The following SH3RF3 variants were observed in gnomAD, a reference collection of about 807,000 sequenced individuals.
The protein encoded by SH3RF3 is SH3 domain containing ring finger 3.
A neutral mutation model predicts 66.3 loss-of-function variants in SH3RF3; 29 were observed. The ratio of observed to expected loss-of-function variants is 0.44; its 90% CI spans 0.33 to 0.60. The LOEUF is 0.60. Among genes scored for constraint, SH3RF3 ranks in the 20% least tolerant of loss-of-function variants. SH3RF3 has a pLI of 0.04. For synonymous variants in SH3RF3, 583 were observed against 532.0 expected (o/e 1.10, Z -1.32); for missense variants, 1,194 against 1,190.9 (o/e 1.00, Z -0.04).
intron 1 of SH3RF3, among the ~76,000 whole-genome samples, chr2:109,335,797 C>G (rs952371435): frequency 2.0e-5 from 3 of 152,210 alleles, no homozygotes; most frequent in African/African-American, 7.2e-5. Flanking sequence ...CCTAAAACCA[C>G]TTCCTACCTT....
At chr2:109,339,897 G>C (rs1399746932) in intron 1 of SH3RF3, among the ~76,000 whole-genome samples, 1 of 152,176 alleles carries the variant, frequency 6.6e-6, no homozygotes, top group Non-Finnish European at 1.5e-5. Flanking sequence ...ATAATTATCA[G>C]GGCTCCACAG....
chr2:109,148,300 C>T (rs1479316390), intron 1 of SH3RF3, among the ~76,000 whole-genome samples: 1 of 152,228 alleles, frequency 6.6e-6, no homozygotes, highest in Non-Finnish European at 1.5e-5. Context: ...TGAGGGAATC[C>T]ACCGGGACGG....
At chr2:109,397,902 G>A (rs1676192823) in intron 3 of SH3RF3, among the ~76,000 whole-genome samples, 1 of 152,240 alleles carries the variant, frequency 6.6e-6, no homozygotes, top group Non-Finnish European at 1.5e-5. Flanking sequence ...CACAACGCCT[G>A]CTATCTTGTA....
intron 7 of SH3RF3, among the ~76,000 whole-genome samples, chr2:109,441,124 T>C (rs1026213245): frequency 2.6e-5 from 2 of 75,534 alleles, no homozygotes. Context: ...AGAATATTTA[T>C]AGGAATACAA....
At position 109,336,501 on chromosome 2, in the gene SH3RF3, G is replaced by A. The variant is rs575002974; in HGVS notation, c.574-11173G>A. 1.2e-4 allele frequency among the ~76,000 whole-genome samples: 19 copies of A among 152,270 alleles called. No individual in the cohort carries two copies. The South Asian group carries it at 3.7e-3, about 30-fold the overall frequency. On this transcript the variant is annotated intron_variant, in intron 1 of 9. Coordinates refer to ENST00000309415, the MANE Select transcript of SH3RF3 (RefSeq NM_001099289.3). ...GTGCCCACGGCTAGCACGTGCTGAG[G>A]ACTCGCTGTGAGGCCCCGTGTACCC...
chr2:109,350,502 C>T (rs1682815381), intron 2 of SH3RF3, among the ~76,000 whole-genome samples: 1 of 152,236 alleles, frequency 6.6e-6, no homozygotes, highest in Non-Finnish European at 1.5e-5. Flanking sequence ...CCTATGCCCA[C>T]TTTGACCCTC....
At chr2:109,499,602 C>T (rs1223695769) in intron 9 of SH3RF3, among the ~76,000 whole-genome samples, 2 of 152,160 alleles carry the variant, frequency 1.3e-5, no homozygotes, top group East Asian at 1.9e-4. Context: ...CCCTGCCTGT[C>T]AGACTCTAAG....
chr2:109,473,003 T>C (rs112712336), intron 8 of SH3RF3, among the ~76,000 whole-genome samples: 1 of 152,184 alleles, frequency 6.6e-6, no homozygotes, highest in African/African-American at 2.4e-5. Context: ...TTTCCTACCT[T>C]AGTGAAAAGA....
intron 1 of SH3RF3, among the ~76,000 whole-genome samples, chr2:109,165,128 A>G (rs7570265): frequency 0.82 from 124,990 of 152,092 alleles, 51,497 homozygotes; most frequent in East Asian, 0.89. Context: ...CCCCTCCTTT[A>G]GTAAGGACAA....
intron 3 of SH3RF3, among the ~76,000 whole-genome samples, chr2:109,386,153 C>G (rs774690891): frequency 1.2e-4 from 19 of 152,234 alleles, no homozygotes; most frequent in Non-Finnish European, 2.5e-4. Context: ...GGCTGCAAAG[C>G]TGACCGCCTT....
In SH3RF3 at chr2:109,414,743, G is replaced by A. The variant is rs559549296; in HGVS notation, c.1300-4796G>A. 1.2e-3 allele frequency among the ~76,000 whole-genome samples: 184 copies of A among 152,306 alleles called. 2 individuals carry two copies. The highest frequency in any genetic ancestry group is 4.3e-3 in the African/African-American group (179 of 41,568). Reference sequence around the variant, plus strand: ...CCAAACACTGCGTGTCCAGCACTGAGCCCATGGCCTCTGTGGTCTCTTGTT... The same window carrying A: ...CCAAACACTGCGTGTCCAGCACTGAACCCATGGCCTCTGTGGTCTCTTGTT... On this transcript the variant is annotated intron_variant, in intron 4 of 9. Transcript: ENST00000309415.
intron 1 of SH3RF3, among the ~76,000 whole-genome samples, chr2:109,132,570 C>T (rs142098331): frequency 1.1e-4 from 17 of 152,274 alleles, no homozygotes; most frequent in Middle Eastern, 3.4e-3. Flanking sequence ...TACCCAGTGA[C>T]GAGTACCCAT....
At chr2:109,285,507 C>G (rs1681011889) in intron 1 of SH3RF3, among the ~76,000 whole-genome samples, 1 of 152,210 alleles carries the variant, frequency 6.6e-6, no homozygotes, top group Admixed American at 6.5e-5. Flanking sequence ...ACAGTGCATG[C>G]TGGGGCACTT....
chr2:109,216,392 G>C (rs576802841), intron 1 of SH3RF3, among the ~76,000 whole-genome samples: 17 of 152,336 alleles, frequency 1.1e-4, no homozygotes, highest in African/African-American at 3.8e-4. Flanking sequence ...ACCACCCTCT[G>C]TGTTAAAACG....
At chr2:109,314,201 G>A (rs1286934521) in intron 1 of SH3RF3, among the ~76,000 whole-genome samples, 2 of 152,142 alleles carry the variant, frequency 1.3e-5, no homozygotes, top group African/African-American at 4.8e-5. Flanking sequence ...TCCAGAGATG[G>A]GGGCACCAGA....
At position 109,129,452 on chromosome 2, in the gene SH3RF3, C is replaced by T. The variant is rs1676622929; in HGVS notation, c.-89C>T. 8 of 1,494,578 alleles carry T rather than the reference C, an allele frequency of 5.4e-6. No individual in the cohort carries two copies. Among genetic ancestry groups the T allele is most frequent in the Admixed American group, 2.1e-5 (1 of 48,232 alleles). 92.6% of individuals were successfully genotyped at this position (1,494,578 alleles called of 1,614,324 possible). On this transcript the variant is annotated 5_prime_UTR_variant, in exon 1 of 10. Coordinates refer to ENST00000309415, the MANE Select transcript of SH3RF3 (RefSeq NM_001099289.3). ...AGAAAGTCACGGCGGAGCCCGGCTCCCCAGTCCTGATGCTGGCTGCCGGTG... is the reference window on the plus strand; with the variant it reads ...AGAAAGTCACGGCGGAGCCCGGCTCTCCAGTCCTGATGCTGGCTGCCGGTG...
chr2:109,406,059 C>T (rs1676445505), intron 4 of SH3RF3, among the ~76,000 whole-genome samples: 1 of 152,206 alleles, frequency 6.6e-6, no homozygotes, highest in Admixed American at 6.5e-5. Flanking sequence ...CTGAAGGTGT[C>T]CAGGGCGTGC....
intron 3 of SH3RF3, among the ~76,000 whole-genome samples, chr2:109,373,475 T>C (rs1683318309): frequency 1.3e-5 from 2 of 152,224 alleles, no homozygotes; most frequent in African/African-American, 4.8e-5. Context: ...TCTCCCACCA[T>C]GCATGTGAAC....
At chr2:109,263,166 G>A (rs77124395) in intron 1 of SH3RF3, among the ~76,000 whole-genome samples, 5,874 of 152,242 alleles carry the variant, frequency 0.039, 375 homozygotes, top group African/African-American at 0.13. Context: ...TGTTAAATGA[G>A]TTAAGAACGG....
Sources: allele counts gnomAD v4.1 joint callset (sites outside exome capture counted in the v4.1 genomes callset), GRCh38; gene constraint gnomAD v4.1.1; transcripts MANE v1.5; gene names NCBI Gene and HGNC (gene_info 2026-07-23, HGNC 2026-07-21).